LAMC3: variants seen among roughly 807,000 people sequenced by gnomAD.
The protein encoded by LAMC3 is laminin subunit gamma 3, also known as laminin subunit gamma-3.
A neutral mutation model predicts 173.8 loss-of-function variants in LAMC3; 128 were observed. The ratio of observed to expected loss-of-function variants is 0.74; its 90% CI spans 0.64 to 0.85. The LOEUF (loss-of-function observed/expected upper bound fraction) is 0.85. Ranked by LOEUF, LAMC3 falls within the 40% of genes least tolerant of loss-of-function variation. The pLI is 0.00. For missense variants in LAMC3, 2,022 were observed against 2,156.0 expected (o/e 0.94, Z 1.23); for synonymous variants, 897 against 909.1 (o/e 0.99, Z 0.24).
rs746215303 is a variant in LAMC3 at position 131,057,006 on chromosome 9, T to C, written c.2017T>C (p.Cys673Arg). The change falls in exon 12 of 28, where the codon TGT becomes CGT. Residue 673 changes from cysteine to arginine, a missense_variant. Physicochemically the swap from Cys to Arg is radical, Grantham distance 180. Coordinates refer to ENST00000361069, the MANE Select transcript of LAMC3 (RefSeq NM_006059.4). ...LSPPASWVEICSCPTGYTGQF... is the reference protein window; with the variant it reads ...LSPPASWVEIRSCPTGYTGQF... ...CCCGCCAGCCTCCTGGGTGGAGATT[T>C]GTTCATGTCCCACTGGCTACACGGG... 6.2e-7 allele frequency: 1 copy of C among 1,614,140 alleles called. No homozygotes were observed. Among genetic ancestry groups the C allele is most frequent in the Non-Finnish European group, 8.5e-7 (1 of 1,180,040 alleles).
chr9:131,034,589 G>C (rs975603438), intron 3 of LAMC3, among the ~76,000 whole-genome samples: 29 of 152,268 alleles, frequency 1.9e-4, no homozygotes, highest in Non-Finnish European at 3.5e-4. Flanking sequence ...CTCCAGCTCA[G>C]CCACTTAGCA....
intron 8 of LAMC3, among the ~76,000 whole-genome samples, chr9:131,048,633 C>T (rs1298231961): frequency 6.6e-6 from 1 of 152,134 alleles, no homozygotes; most frequent in African/African-American, 2.4e-5. Flanking sequence ...CGTGGCTGGG[C>T]CCCTTCCTAA....
rs1372597036 is a variant in LAMC3, at chr9:131,091,386, C to A, written c.4478-151C>A. The A allele has an allele frequency of 3.7e-6, 4 of 1,082,744 alleles. No homozygotes were observed. The East Asian group carries it at 1.0e-4, about 28-fold the overall frequency. 67.1% of individuals were successfully genotyped at this position (1,082,744 alleles called of 1,614,324 possible). On this transcript the variant is annotated intron_variant, in intron 27 of 27. Transcript: ENST00000361069. ...GATGCTATGGGTCCTCACCCACCTCCCAGCCCTTCTGCTCCCCATCTTTCC... is the reference window on the plus strand; with the variant it reads ...GATGCTATGGGTCCTCACCCACCTCACAGCCCTTCTGCTCCCCATCTTTCC...
intron 19 of LAMC3, 40 bp from the exon 20 acceptor site, chr9:131,073,205 A>T: frequency 6.7e-7 from 1 of 1,491,946 alleles, no homozygotes; most frequent in Non-Finnish European, 9.3e-7. Context: ...CCCTTTGGCG[A>T]TGGGCCATCA....
chr9:131,037,199 G>T (rs909854547), intron 4 of LAMC3, among the ~76,000 whole-genome samples: 1 of 152,180 alleles, frequency 6.6e-6, no homozygotes, highest in African/African-American at 2.4e-5. Flanking sequence ...GTCCCAGCCT[G>T]CTGCTGTCTC....
At chr9:131,081,153 T>C (rs11244276) in intron 23 of LAMC3, among the ~76,000 whole-genome samples, 36,217 of 152,230 alleles carry the variant, frequency 0.24, 5,086 homozygotes, top group Non-Finnish European at 0.3. Flanking sequence ...AATCGTGTAA[T>C]ATGTGCCGAT....
At chr9:131,024,329 A>G (rs891928750) in intron 1 of LAMC3, among the ~76,000 whole-genome samples, 4 of 151,882 alleles carry the variant, frequency 2.6e-5, no homozygotes, top group Non-Finnish European at 4.4e-5. Flanking sequence ...TATTTTTAGT[A>G]GAGACAGGGA....
intron 14 of LAMC3, 117 bp downstream of exon 14, chr9:131,067,322 C>A: frequency 7.8e-7 from 1 of 1,279,808 alleles, no homozygotes; most frequent in Non-Finnish European, 1.1e-6. Flanking sequence ...GGCTCCTCTG[C>A]AAGGCTGTCC....
Position 131,041,661 on chromosome 9 carries a change from C to T in LAMC3, c.1308C>T (p.Gly436=), listed in dbSNP as rs763057752. 6.2e-7 allele frequency: 1 copy of T among 1,614,142 alleles called. No individual in the cohort carries two copies. Among genetic ancestry groups the T allele is most frequent in the Non-Finnish European group, 8.5e-7 (1 of 1,180,036 alleles). Residue 436 remains glycine, a synonymous_variant, in exon 7 of 28, where the codon GGC becomes GGT. Transcript: ENST00000361069. ...GACCCTGCACTTGCAATCCCGCTGG[C>T]AGCCTGGACACCTGTGACCCCCGCA... ...GCRPCTCNPA[G]SLDTCDPRSG...
chr9:131,052,477 TCTC>T lies in LAMC3; in HGVS notation c.1631-13_1631-11del, dbSNP rs1834308392. 1.2e-6 allele frequency: 2 copies of T among 1,610,836 alleles called. No homozygotes were observed. The highest frequency in any genetic ancestry group is 1.7e-6 in the Non-Finnish European group (2 of 1,176,930). On this transcript the variant is annotated splice_polypyrimidine_tract_variant and intron_variant, in intron 9 of 27. Coordinates refer to ENST00000361069, the MANE Select transcript of LAMC3 (RefSeq NM_006059.4). ...CATATGAAGACTGTCAAAGCCTTCT[TCTC>T]TTGTCTTCAGAGAAGTTCCTGGGAG...
chr9:131,086,797 C>T (rs1478430292), intron 25 of LAMC3, among the ~76,000 whole-genome samples: 2 of 151,132 alleles, frequency 1.3e-5, no homozygotes, highest in African/African-American at 2.4e-5. Flanking sequence ...GGCTGAGACA[C>T]AAGAATTGCT....
At chr9:131,041,074 A>ATCTCCGT (rs1176218765) in intron 6 of LAMC3, among the ~76,000 whole-genome samples, 3 of 152,076 alleles carry the variant, frequency 2.0e-5, no homozygotes, top group Non-Finnish European at 4.4e-5. Context: ...ATAGACAGAA[A>ATCTCCGT]GATTCATGGA....
Position 131,039,179 on chromosome 9 carries a change from C to G in LAMC3, c.1214C>G (p.Pro405Arg), listed in dbSNP as rs1833998828. ...GACACAGGCACCTGCGCCTGCAAGC[C>G]CACGGTGACTGGCTGGAAGTGTGAC... ...CDDTGTCACK[P>R]TVTGWKCDRC... The change falls in exon 6 of 28, where the codon CCC (proline) becomes CGC (arginine). Residue 405 changes from proline (P) to arginine (R), a missense_variant. Pro to Arg is a moderately radical substitution (Grantham distance 103). Coordinates refer to ENST00000361069, the MANE Select transcript of LAMC3 (RefSeq NM_006059.4). The G allele has an allele frequency of 6.2e-7, 1 of 1,610,750 alleles. No individual in the cohort carries two copies. Among genetic ancestry groups the G allele is most frequent in the African/African-American group, 1.3e-5 (1 of 74,932 alleles).
chr9:131,022,215 A>AACACACACACACACACAC (rs56948132), intron 1 of LAMC3, among the ~76,000 whole-genome samples: 3,203 of 144,674 alleles, frequency 0.022, 142 homozygotes, highest in South Asian at 0.11. Context: ...TGTGGATGAA[A>AACACACACACACACACAC]ACACACACAC....
intron 4 of LAMC3, among the ~76,000 whole-genome samples, 157 bp from the exon 5 acceptor site, chr9:131,038,707 C>T (rs1307979359): frequency 2.6e-5 from 4 of 152,158 alleles, no homozygotes; most frequent in Non-Finnish European, 5.9e-5. Flanking sequence ...CAATGTCTAG[C>T]CTTGATCAAG....
At chr9:131,089,863 A>G (rs1270684066) in intron 27 of LAMC3, among the ~76,000 whole-genome samples, 1 of 152,246 alleles carries the variant, frequency 6.6e-6, no homozygotes, top group African/African-American at 2.4e-5. Context: ...GTGATCTTAC[A>G]GAATTCTCAT....
rs772716979 is a variant in LAMC3, at chr9:131,036,180, G to A, written c.824G>A (p.Gly275Glu). Residue 275 changes from glycine to glutamate, a missense_variant, in exon 4 of 28, where the codon GGG (glycine) becomes GAG (glutamate). Coordinates refer to ENST00000361069, the MANE Select transcript of LAMC3 (RefSeq NM_006059.4). ...TCTTTTCCCAGGTGCAAGTGCAACG[G>A]GCATGCCAGCGAGTGCGGCCCCGAC... ...FSVGGRCKCN[G>E]HASECGPDVA... 4.3e-6 allele frequency: 7 copies of A among 1,613,110 alleles called. No individual in the cohort carries two copies. The highest frequency in any genetic ancestry group is 5.9e-6 in the Non-Finnish European group (7 of 1,179,910).
intron 2 of LAMC3, 106 bp from the exon 3 acceptor site, chr9:131,031,939 T>A (rs1833831584): frequency 6.3e-7 from 1 of 1,596,314 alleles, no homozygotes; most frequent in Non-Finnish European, 8.6e-7. Context: ...TGTTCCTGTG[T>A]CCCAGGAGCT....
At chr9:131,079,359 T>A in intron 23 of LAMC3, 61 bp downstream of exon 23, 1 of 1,600,186 alleles carries the variant, frequency 6.2e-7, no homozygotes, top group South Asian at 1.1e-5. Context: ...CTGAAGGTGA[T>A]CCAGGGTCAG....
Sources: gnomAD v4.1 joint callset for allele counts (sites outside exome capture counted in the v4.1 genomes callset) on GRCh38, gnomAD v4.1.1 for gene constraint, MANE v1.5 for transcripts, NCBI Gene and HGNC (gene_info 2026-07-23, HGNC 2026-07-21) for gene names.